PRDM11: variants seen among roughly 807,000 people sequenced by gnomAD.
PRDM11 encodes the protein PR/SET domain 11.
In PRDM11, 20 loss-of-function variants were observed where a neutral mutation model predicts 97.8. The ratio of observed to expected loss-of-function variants is 0.20; its 90% CI spans 0.14 to 0.30. The LOEUF is 0.30. Among genes scored for constraint, PRDM11 ranks in the 10% least tolerant of loss-of-function variants. The pLI is 1.00. For missense variants in PRDM11, 1,139 were observed against 1,555.2 expected (o/e 0.73, Z 4.50); for synonymous variants, 599 against 637.7 (o/e 0.94, Z 0.91).
At chr11:45,104,712 G>T (rs1345373661) in intron 1 of PRDM11, among the ~76,000 whole-genome samples, 1 of 152,208 alleles carries the variant, frequency 6.6e-6, no homozygotes, top group Non-Finnish European at 1.5e-5. Flanking sequence ...AAACCTCAGT[G>T]CTGCAGATGA....
Position 45,106,994 on chromosome 11 carries a change from A to T in PRDM11, c.96+11093A>T, listed in dbSNP as rs563417350. On this transcript the variant is annotated intron_variant, in intron 1 of 6. Coordinates refer to the PRDM11 transcript ENST00000530656. ...CAGGCTTTGTGGGGAGGAGAAATGAAGCAGATCTGCTAAAGCCAAAAGATG... is the reference window on the plus strand; with the variant it reads ...CAGGCTTTGTGGGGAGGAGAAATGATGCAGATCTGCTAAAGCCAAAAGATG... Among the ~76,000 whole-genome samples the T allele has an allele frequency of 2.6e-5, 4 of 152,342 alleles. No homozygotes were observed. In the East Asian group the frequency reaches 7.7e-4, roughly 29 times the overall value.
rs1041473963 is a variant in PRDM11, at chr11:45,096,007, TG to T, written c.96+107del. Reference sequence around the variant, plus strand: ...CCAGATCTTTATTCAGGCCCCTGCTTGTTGTCATCTTCTCATTAAAGCCCGC... The same window carrying T: ...CCAGATCTTTATTCAGGCCCCTGCTTTTGTCATCTTCTCATTAAAGCCCGC... On this transcript the variant is annotated intron_variant, in intron 1 of 6. Coordinates refer to the PRDM11 transcript ENST00000530656. The T allele has an allele frequency of 5.0e-5, 35 of 706,968 alleles. No individual in the cohort carries two copies. In the African/African-American group the frequency reaches 5.1e-4, roughly 10 times the overall value. 43.8% of individuals were successfully genotyped at this position (706,968 alleles called of 1,614,324 possible). A position where few individuals can be genotyped will look rare whatever the true frequency, so the allele number is the denominator to read the frequency against.
At chr11:45,185,324 T>C (rs1364415828) in intron 4 of PRDM11, among the ~76,000 whole-genome samples, 1 of 152,214 alleles carries the variant, frequency 6.6e-6, no homozygotes, top group East Asian at 1.9e-4. Flanking sequence ...GTAAACATTT[T>C]ACAATGGACA....
intron 1 of PRDM11, among the ~76,000 whole-genome samples, chr11:45,174,583 C>T (rs1296306022): frequency 2.0e-5 from 3 of 152,160 alleles, no homozygotes; most frequent in Non-Finnish European, 2.9e-5. Context: ...CATCAAGCGC[C>T]ACTTGTGTGC....
intron 1 of PRDM11, among the ~76,000 whole-genome samples, chr11:45,097,173 C>A (rs181302456): frequency 4.6e-5 from 7 of 152,324 alleles, no homozygotes. Flanking sequence ...ATCCTGGTGA[C>A]TTAATGCATC....
At chr11:45,097,507 G>A (rs977881939) in intron 1 of PRDM11, among the ~76,000 whole-genome samples, 1 of 146,114 alleles carries the variant, frequency 6.8e-6, no homozygotes, top group Non-Finnish European at 1.5e-5. Flanking sequence ...GGAAATTGAA[G>A]CTCAGGGGTG....
At chr11:45,214,606 C>G (rs1409061042) in intron 5 of PRDM11, 6 of 152,314 alleles carry the variant, frequency 3.9e-5, no homozygotes, top group Admixed American at 1.3e-4. Context: ...TCAAACTGAA[C>G]ACTCTCCTGT....
At chr11:45,113,507 G>A (rs990779161) in intron 1 of PRDM11, among the ~76,000 whole-genome samples, 1 of 152,070 alleles carries the variant, frequency 6.6e-6, no homozygotes, top group East Asian at 1.9e-4. Flanking sequence ...ATTTTGATGG[G>A]AATTGCATTG....
intron 1 of PRDM11, among the ~76,000 whole-genome samples, chr11:45,153,238 C>G (rs1016412191): frequency 1.3e-5 from 2 of 152,208 alleles, no homozygotes; most frequent in Admixed American, 6.5e-5. Context: ...TTAGGCTGGT[C>G]CCTTGGCAGG....
At chr11:45,155,631 G>T (rs531093029) in intron 1 of PRDM11, among the ~76,000 whole-genome samples, 6 of 152,110 alleles carry the variant, frequency 3.9e-5, no homozygotes, top group African/African-American at 1.4e-4. Flanking sequence ...GGGTGCAGGG[G>T]TGCCTCAAGG....
At chr11:45,152,597 A>G (rs559700064) in intron 1 of PRDM11, among the ~76,000 whole-genome samples, 1 of 152,332 alleles carries the variant, frequency 6.6e-6, no homozygotes, top group African/African-American at 2.4e-5. Flanking sequence ...TAGAGCCTCA[A>G]ATACTTGTGG....
intron 4 of PRDM11, among the ~76,000 whole-genome samples, chr11:45,190,648 C>T (rs1294226945): frequency 1.8e-4 from 27 of 151,944 alleles, no homozygotes; most frequent in Admixed American, 1.8e-3. Flanking sequence ...GTCATAACTA[C>T]TCCACTCTGC....
chr11:45,210,485 G>A (rs982442603), intron 5 of PRDM11, among the ~76,000 whole-genome samples: 12 of 152,208 alleles, frequency 7.9e-5, no homozygotes, highest in Admixed American at 2.6e-4. Flanking sequence ...CCCGCCAGCT[G>A]CAGTCCCCAC....
chr11:45,128,783 A>G (rs540595396), intron 1 of PRDM11, among the ~76,000 whole-genome samples: 1 of 152,188 alleles, frequency 6.6e-6, no homozygotes, highest in Non-Finnish European at 1.5e-5. Flanking sequence ...AGAGAAATAA[A>G]AAACACCTCC....
chr11:45,094,874 G>T (rs905802228), upstream of PRDM11, among the ~76,000 whole-genome samples: 8 of 143,222 alleles, frequency 5.6e-5, no homozygotes, highest in African/African-American at 2.1e-4. Flanking sequence ...AGGAAGGGAA[G>T]GAAGAGAGGA....
intron 4 of PRDM11, 39 bp from the exon 5 acceptor site, chr11:45,204,672 C>A: frequency 6.4e-7 from 1 of 1,570,420 alleles, no homozygotes; most frequent in Non-Finnish European, 8.8e-7. Context: ...GAGAACCCCT[C>A]TAGAATGGCC....
chr11:45,147,115 C>T (rs1212008058), intron 1 of PRDM11, among the ~76,000 whole-genome samples: 8 of 150,880 alleles, frequency 5.3e-5, no homozygotes, highest in African/African-American at 1.9e-4. Context: ...GCTGCCGCCG[C>T]CGCGGGAGCC....
At chr11:45,095,518 C>A (rs897171037), upstream of PRDM11, among the ~76,000 whole-genome samples, 11 of 152,220 alleles carry the variant, frequency 7.2e-5, no homozygotes, top group Non-Finnish European at 1.5e-5. Context: ...AGCCGTCTCT[C>A]ATCATCTATT....
At chr11:45,132,414 T>C (rs890944620) in intron 1 of PRDM11, among the ~76,000 whole-genome samples, 2 of 152,208 alleles carry the variant, frequency 1.3e-5, no homozygotes, top group East Asian at 3.8e-4. Flanking sequence ...AAAACTGTGG[T>C]TGATTTATTT....
Sources: allele counts gnomAD v4.1 joint callset (sites outside exome capture counted in the v4.1 genomes callset), GRCh38; gene constraint gnomAD v4.1.1; transcripts MANE v1.5; gene names NCBI Gene and HGNC (gene_info 2026-07-23, HGNC 2026-07-21).